MRTFB: variants seen among roughly 807,000 people sequenced by gnomAD.
MRTFB encodes myocardin related transcription factor B, also known as myocardin-related transcription factor B.
A neutral mutation model predicts 104.2 loss-of-function variants in MRTFB; 29 were observed. The observed-to-expected ratio is 0.28, with a 90% CI of 0.21 to 0.38. The LOEUF (loss-of-function observed/expected upper bound fraction) is 0.38. Among genes scored for constraint, MRTFB ranks in the 10% least tolerant of loss-of-function variants. The pLI, the probability that MRTFB is intolerant of heterozygous loss-of-function variation, is 1.00. For missense variants in MRTFB, 1,270 were observed against 1,341.6 expected (o/e 0.95, Z 0.83); for synonymous variants, 535 against 519.5 (o/e 1.03, Z -0.41).
intron 2 of MRTFB, among the ~76,000 whole-genome samples, chr16:14,122,259 G>A (rs1480449558): frequency 6.7e-6 from 1 of 149,216 alleles, no homozygotes; most frequent in Admixed American, 6.7e-5. Context: ...TTCAATAATA[G>A]CGTAATTTCA....
At chr16:14,092,769 A>G (rs889078452) in intron 2 of MRTFB, 1 of 152,202 alleles carries the variant, frequency 6.6e-6, no homozygotes, top group Non-Finnish European at 1.5e-5. Context: ...CACTTGGAAC[A>G]ATACAGATTG....
chr16:14,125,438 C>A (rs9932751), intron 2 of MRTFB, among the ~76,000 whole-genome samples: 7,790 of 152,312 alleles, frequency 0.051, 619 homozygotes, highest in African/African-American at 0.17. Flanking sequence ...TCTAGCCTGG[C>A]AAACAGATTC....
chr16:14,096,778 T>G (rs1335866389), intron 2 of MRTFB, among the ~76,000 whole-genome samples: 1 of 152,248 alleles, frequency 6.6e-6, no homozygotes, highest in Non-Finnish European at 1.5e-5. Context: ...TACTTAAAAC[T>G]TCCTAGTATG....
chr16:13,996,056 G>C, the MRTFB span, among the ~76,000 whole-genome samples: 12 of 152,260 alleles, frequency 7.9e-5, no homozygotes, highest in South Asian at 1.7e-3. Flanking sequence ...CAGATCACCT[G>C]AGGTCCAGAG....
At chr16:14,200,480 T>G in intron 3 of MRTFB, 2 of 1,610,656 alleles carry the variant, frequency 1.2e-6, no homozygotes, top group Non-Finnish European at 8.5e-7. Context: ...TTTCCACTTA[T>G]TCTTTCGAGT....
In MRTFB at chr16:14,261,078, A is replaced by C. The variant is rs1330364913; in HGVS notation, c.2934A>C (p.Leu978Phe). ...CTATGGGCAGTTTATCTGCCAGCTT[A>C]GAGAACCAACTAGAAGCTTTCTTGG... is the stretch of plus-strand genomic sequence containing the variant. ...LEPMGSLSAS[L>F]ENQLEAFLDG... Residue 978 changes from leucine to phenylalanine, a missense_variant, in exon 17 of 17, where the codon TTA becomes TTC. Physicochemically the swap from Leu to Phe is conservative, Grantham distance 22 (BLOSUM62 0). Transcript: ENST00000571589. The C allele has an allele frequency of 1.2e-6, 2 of 1,614,180 alleles. No individual in the cohort carries two copies. The highest frequency in any genetic ancestry group is 1.7e-6 in the Non-Finnish European group (2 of 1,180,028).
At chr16:14,014,257 G>T in the MRTFB span, among the ~76,000 whole-genome samples, 1 of 152,194 alleles carries the variant, frequency 6.6e-6, no homozygotes, top group African/African-American at 2.4e-5. Flanking sequence ...AATATCAAGA[G>T]TCTCAGTGCC....
chr16:14,219,528 G>A, intron 8 of MRTFB, among the ~76,000 whole-genome samples: 1 of 152,170 alleles, frequency 6.6e-6, no homozygotes, highest in East Asian at 1.9e-4. Context: ...GAGTGATCAA[G>A]TCAGCAGAAA....
chr16:14,002,927 C>T, the MRTFB span, among the ~76,000 whole-genome samples: 15 of 151,816 alleles, frequency 9.9e-5, no homozygotes, highest in East Asian at 2.5e-3. Context: ...TCGTGAGGTT[C>T]TGGGAGAAAG....
At chr16:14,237,346 C>A (rs1387992458) in intron 9 of MRTFB, among the ~76,000 whole-genome samples, 1 of 152,114 alleles carries the variant, frequency 6.6e-6, no homozygotes, top group Admixed American at 6.6e-5. Flanking sequence ...AGCCCTGAAG[C>A]CAGACACGAT....
At chr16:14,097,836 G>A (rs767747801) in intron 2 of MRTFB, among the ~76,000 whole-genome samples, 1 of 152,122 alleles carries the variant, frequency 6.6e-6, no homozygotes, top group Admixed American at 6.5e-5. Context: ...CATGTTGTAT[G>A]TACTCTTCTT....
At chr16:14,185,711 A>G (rs2039928400) in intron 3 of MRTFB, among the ~76,000 whole-genome samples, 1 of 152,162 alleles carries the variant, frequency 6.6e-6, no homozygotes, top group Non-Finnish European at 1.5e-5. Context: ...ACCTCATGAA[A>G]CAGTATTCAC....
chr16:14,184,222 A>AT lies in MRTFB; in HGVS notation c.155-26003dup, dbSNP rs561797213. Among the ~76,000 whole-genome samples the AT allele has an allele frequency of 4.4e-3, 588 of 134,968 alleles. 8 individuals are homozygous for AT. The highest frequency in any genetic ancestry group is 0.018 in the East Asian group (82 of 4,680). 88.5% of individuals were successfully genotyped at this position (134,968 alleles called of 152,430 possible). The stretch of plus-strand genomic sequence containing the variant: ...TATGCCACCTCTGACAAAGTATTTG[A>AT]TTTTTTTTTTTTTTTTTTGAGATGG... On this transcript the variant is annotated intron_variant, in intron 3 of 16. Coordinates refer to ENST00000571589, the MANE Select transcript of MRTFB (RefSeq NM_001308142.2).
chr16:14,254,669 T>C (rs1436097628), intron 15 of MRTFB, among the ~76,000 whole-genome samples: 1 of 152,206 alleles, frequency 6.6e-6, no homozygotes, highest in Admixed American at 6.5e-5. Flanking sequence ...CATTTTGAAG[T>C]TTTAAGTCTA....
At chr16:14,180,579 G>C (rs73516956) in intron 3 of MRTFB, among the ~76,000 whole-genome samples, 3 of 152,308 alleles carry the variant, frequency 2.0e-5, no homozygotes, top group African/African-American at 7.2e-5. Flanking sequence ...CACAAGTGTA[G>C]TCAGAACACT....
At position 14,247,135 on chromosome 16, in the gene MRTFB, C is replaced by G. The variant is rs371812111; in HGVS notation, c.1875C>G (p.Val625=). Residue 625 remains valine, a synonymous_variant, in exon 12 of 17, where the codon GTC becomes GTG. Transcript: ENST00000571589. ...EAQPSAPGHS[V]KSDQKHGSLG... ...AGCCCAGTGCCCCAGGTCATTCTGTCAAGTCAGATCAGAAGCACGGCAGCC... is the reference window on the plus strand; with the variant it reads ...AGCCCAGTGCCCCAGGTCATTCTGTGAAGTCAGATCAGAAGCACGGCAGCC... The G allele has an allele frequency of 4.3e-6, 7 of 1,614,062 alleles. No homozygotes were observed. The highest frequency in any genetic ancestry group is 1.6e-4 in the Middle Eastern group (1 of 6,084).
At chr16:14,097,152 G>A (rs1307531157) in intron 2 of MRTFB, among the ~76,000 whole-genome samples, 1 of 152,218 alleles carries the variant, frequency 6.6e-6, no homozygotes, top group Admixed American at 6.5e-5. Context: ...GAGTGGCCTT[G>A]CAGTTCAGTA....
chr16:14,050,224 T>C, the MRTFB span, among the ~76,000 whole-genome samples: 1 of 152,134 alleles, frequency 6.6e-6, no homozygotes, highest in Non-Finnish European at 1.5e-5. Context: ...AGAATCTAGA[T>C]AAAGTGTATA....
At chr16:14,125,770 A>G (rs2037077056) in intron 2 of MRTFB, among the ~76,000 whole-genome samples, 1 of 152,096 alleles carries the variant, frequency 6.6e-6, no homozygotes, top group Non-Finnish European at 1.5e-5. Context: ...TTTCCAAGTG[A>G]TTTTTCAAGT....
Sources: allele counts gnomAD v4.1 joint callset (sites outside exome capture counted in the v4.1 genomes callset), GRCh38; gene constraint gnomAD v4.1.1; transcripts MANE v1.5; gene names NCBI Gene and HGNC (gene_info 2026-07-23, HGNC 2026-07-21).